The following BICC1 variants were observed in gnomAD, a reference collection of about 807,000 sequenced individuals.
The protein encoded by BICC1 is protein bicaudal C homolog 1.
BICC1 carries 43 observed loss-of-function variants against 111.0 expected under a neutral mutation model. The observed-to-expected ratio is 0.39, with a 90% CI of 0.30 to 0.50. The LOEUF (loss-of-function observed/expected upper bound fraction) is 0.50, where lower values mean the gene tolerates loss of function less well. Ranked by LOEUF, BICC1 falls within the 20% of genes least tolerant of loss-of-function variation. BICC1 has a pLI of 0.88. For synonymous variants in BICC1, 467 were observed against 434.4 expected (o/e 1.07, Z -0.93); for missense variants, 1,091 against 1,203.2 (o/e 0.91, Z 1.38).
At chr10:58,787,994 C>A (rs1026539891) in intron 5 of BICC1, among the ~76,000 whole-genome samples, 1 of 151,824 alleles carries the variant, frequency 6.6e-6, no homozygotes, top group Non-Finnish European at 1.5e-5. Context: ...TTTTCAGAAC[C>A]TAGTGTAGCT....
chr10:58,522,768 G>C (rs1440520047), intron 1 of BICC1, among the ~76,000 whole-genome samples: 1 of 152,006 alleles, frequency 6.6e-6, no homozygotes, highest in Non-Finnish European at 1.5e-5. Flanking sequence ...TCCAGGAGCT[G>C]GTTTTTTGAA....
intron 1 of BICC1, among the ~76,000 whole-genome samples, chr10:58,574,448 T>C (rs1229200817): frequency 2.6e-5 from 4 of 152,136 alleles, no homozygotes; most frequent in Non-Finnish European, 5.9e-5. Flanking sequence ...TGATAAACTT[T>C]TCCTTCCCAT....
intron 1 of BICC1, among the ~76,000 whole-genome samples, chr10:58,615,690 A>T (rs2132120730): frequency 6.6e-6 from 1 of 152,184 alleles, no homozygotes; most frequent in South Asian, 2.1e-4. Flanking sequence ...TTGGCATGAC[A>T]CTTGGCATAG....
rs542855641 is a variant in BICC1 at position 58,561,515 on chromosome 10, A to G, written c.190+48182A>G. On this transcript the variant is annotated intron_variant, in intron 1 of 20. Coordinates refer to ENST00000373886, the MANE Select transcript of BICC1 (RefSeq NM_001080512.3). ...TTAAAAAAATCTATTCAGCAACTCT[A>G]TATCTTTTATTGGAGAATTGAAACC... 8.5e-5 allele frequency among the ~76,000 whole-genome samples: 13 copies of G among 152,052 alleles called. No homozygotes were observed. The East Asian group carries it at 1.5e-3, about 18-fold the overall frequency.
chr10:58,687,588 C>G (rs1374134831), intron 2 of BICC1, among the ~76,000 whole-genome samples: 1 of 152,194 alleles, frequency 6.6e-6, no homozygotes, highest in East Asian at 1.9e-4. Context: ...CCTTCCCCAG[C>G]CTCGCTGCCA....
intron 4 of BICC1, among the ~76,000 whole-genome samples, chr10:58,786,181 A>C (rs577684219): frequency 6.6e-5 from 10 of 152,310 alleles, no homozygotes; most frequent in African/African-American, 2.4e-4. Context: ...CTTCTAAATG[A>C]GAAGGGATTT....
At position 58,620,340 on chromosome 10, in the gene BICC1, T is replaced by G. The variant is rs144613782; in HGVS notation, c.191-515T>G. On this transcript the variant is annotated intron_variant, in intron 1 of 20. Transcript: ENST00000373886. The stretch of plus-strand genomic sequence containing the variant: ...TCACCATTACTGTTTAATTCTCATG[T>G]TTTTTTTTCTCTCTTTGTATATACA... Among the ~76,000 whole-genome samples, 454 of 151,642 alleles carry G rather than the reference T, an allele frequency of 3.0e-3. 3 individuals are homozygous for G. Among genetic ancestry groups the G allele is most frequent in the African/African-American group, 0.01 (427 of 41,372 alleles).
At chr10:58,744,952 G>C (rs894750524) in intron 3 of BICC1, among the ~76,000 whole-genome samples, 1 of 152,142 alleles carries the variant, frequency 6.6e-6, no homozygotes, top group African/African-American at 2.4e-5. Flanking sequence ...CATGTTGAGA[G>C]TTCTTATAAG....
At chr10:58,760,395 G>T (rs1433677414) in intron 3 of BICC1, among the ~76,000 whole-genome samples, 1 of 152,116 alleles carries the variant, frequency 6.6e-6, no homozygotes, top group African/African-American at 2.4e-5. Context: ...AAGCTCACAT[G>T]TACATTCCAG....
At chr10:58,753,496 A>G (rs1427151952) in intron 3 of BICC1, among the ~76,000 whole-genome samples, 1 of 152,040 alleles carries the variant, frequency 6.6e-6, no homozygotes, top group African/African-American at 2.4e-5. Flanking sequence ...TAGACCTTTG[A>G]TCCATCTGGA....
At chr10:58,668,669 C>A (rs191979713) in intron 2 of BICC1, among the ~76,000 whole-genome samples, 5 of 151,980 alleles carry the variant, frequency 3.3e-5, no homozygotes, top group Admixed American at 6.6e-5. Context: ...TGTTGATGAT[C>A]GTTACTTCAT....
At chr10:58,807,300 A>C in intron 17 of BICC1, 142 bp downstream of exon 17, 1 of 737,066 alleles carries the variant, frequency 1.4e-6, no homozygotes, top group South Asian at 2.3e-5. Flanking sequence ...TTGTAAACAC[A>C]CTGTTATAAA....
At chr10:58,625,482 T>TACATAACCCA (rs1845961275) in intron 2 of BICC1, among the ~76,000 whole-genome samples, 1 of 152,224 alleles carries the variant, frequency 6.6e-6, no homozygotes, top group Non-Finnish European at 1.5e-5. Flanking sequence ...TGCATTGGGT[T>TACATAACCCA]ATGTACAGTA....
At chr10:58,777,017 G>A (rs961514091) in intron 3 of BICC1, among the ~76,000 whole-genome samples, 5 of 151,712 alleles carry the variant, frequency 3.3e-5, no homozygotes, top group African/African-American at 1.2e-4. Context: ...CTGGGGTGTA[G>A]TTTACACTAT....
At chr10:58,765,893 A>C (rs1842443027) in intron 3 of BICC1, among the ~76,000 whole-genome samples, 1 of 152,254 alleles carries the variant, frequency 6.6e-6, no homozygotes, top group Non-Finnish European at 1.5e-5. Context: ...AGCAGGTGTT[A>C]CAGGGAGGGG....
intron 2 of BICC1, among the ~76,000 whole-genome samples, chr10:58,673,337 A>G (rs551447393): frequency 6.6e-6 from 1 of 152,168 alleles, no homozygotes; most frequent in African/African-American, 2.4e-5. Flanking sequence ...ATCAGTTCCA[A>G]TATTTATTCA....
intron 3 of BICC1, among the ~76,000 whole-genome samples, chr10:58,741,566 A>G (rs537811235): frequency 5.9e-5 from 9 of 152,294 alleles, no homozygotes; most frequent in Non-Finnish European, 1.3e-4. Context: ...ACAGAAATAC[A>G]TCTCAAAAAC....
chr10:58,700,772 T>A (rs1301022092), intron 2 of BICC1, among the ~76,000 whole-genome samples: 1 of 152,194 alleles, frequency 6.6e-6, no homozygotes, highest in Non-Finnish European at 1.5e-5. Flanking sequence ...CAGAGCCTGC[T>A]GGCCCTGACT....
chr10:58,763,341 AT>A (rs1279594887), intron 3 of BICC1, among the ~76,000 whole-genome samples: 1 of 152,204 alleles, frequency 6.6e-6, no homozygotes, highest in Non-Finnish European at 1.5e-5. Context: ...TTCACAAGTG[AT>A]TTTAAAACTG....
Sources: gnomAD v4.1 joint callset for allele counts (sites outside exome capture counted in the v4.1 genomes callset) on GRCh38, gnomAD v4.1.1 for gene constraint, MANE v1.5 for transcripts, NCBI Gene and HGNC (gene_info 2026-07-23, HGNC 2026-07-21) for gene names.